Variants in GZF1 observed in about 807,000 individuals in gnomAD.
GZF1 encodes the protein GDNF-inducible zinc finger protein 1.
In GZF1, 28 loss-of-function variants were observed where a neutral mutation model predicts 49.4. The ratio of observed to expected loss-of-function variants is 0.57; its 90% confidence interval spans 0.42 to 0.78. GZF1 has a LOEUF of 0.78. Ranked by LOEUF, GZF1 falls within the 30% of genes least tolerant of loss-of-function variation. The probability of loss-of-function intolerance (pLI) is 0.00; values close to 1 mark genes in which losing one functional copy is unlikely to be tolerated. For missense variants in GZF1, 798 were observed against 916.2 expected, an observed-to-expected ratio of 0.87 and a Z score of 1.67; for synonymous variants, 364 against 356.0, an observed-to-expected ratio of 1.02 and a Z score of -0.25.
At chr20:23,361,870 C>G (rs1257611792), upstream of GZF1, among the ~76,000 whole-genome samples, 1 of 152,254 alleles carries the variant, frequency 6.6e-6, no homozygotes, top group African/African-American at 2.4e-5. Flanking sequence ...GAATCTGACG[C>G]TCACGTGACT....
intron 5 of GZF1, 49 bp from the exon 6 acceptor site, chr20:23,370,042 C>T: frequency 6.8e-7 from 1 of 1,480,124 alleles, no homozygotes. Flanking sequence ...AAAAGATGCA[C>T]TTGTCCAGAG....
In GZF1 at chr20:23,370,586, G is replaced by A. The variant is rs1981983341; in HGVS notation, c.*145G>A. ...GATTTTCCTGAACTTCTGCTAACTTGCACGGCTTTATCACAGCATTTTTAA... is the reference window on the plus strand; with the variant it reads ...GATTTTCCTGAACTTCTGCTAACTTACACGGCTTTATCACAGCATTTTTAA... On this transcript the variant is annotated 3_prime_UTR_variant, in exon 6 of 6. Transcript: ENST00000338121. The A allele has an allele frequency of 3.2e-6, 2 of 634,760 alleles. No homozygotes were observed. Among genetic ancestry groups the A allele is most frequent in the Non-Finnish European group, 5.5e-6 (2 of 360,936 alleles). The allele number at this position is 634,760 out of a possible 1,614,324, so 39.3% of individuals were successfully genotyped here.
At position 23,372,606 on chromosome 20, in the gene GZF1, C is replaced by T. The variant is rs930792288; in HGVS notation, c.*2165C>T. 8 of 152,280 alleles carry T rather than the reference C, an allele frequency of 5.3e-5. No individual in the cohort carries two copies. Among genetic ancestry groups the T allele is most frequent in the African/African-American group, 9.6e-5 (4 of 41,564 alleles). The allele number at this position is 152,280 out of a possible 1,614,324, so 9.4% of individuals were successfully genotyped here. A position where few individuals can be genotyped will look rare whatever the true frequency, so the allele number is the denominator to read the frequency against. On this transcript the variant is annotated 3_prime_UTR_variant, in exon 6 of 6. Coordinates refer to ENST00000338121, the MANE Select transcript of GZF1 (RefSeq NM_022482.5). ...TTCTCTGTCCCTGAGAACAGAGAAA[C>T]GTAACCCTGTAGGGGACTGGTTACA...
chr20:23,369,867 GTC>G (rs1981871503), intron 5 of GZF1, 126 bp downstream of exon 5: 1 of 1,093,836 alleles, frequency 9.1e-7, no homozygotes, highest in African/African-American at 1.6e-5. Context: ...TCCTTGGGTT[GTC>G]TCTGCAGTGG....
intron 2 of GZF1, among the ~76,000 whole-genome samples, chr20:23,366,009 C>T (rs1478437951): frequency 2.0e-5 from 3 of 152,246 alleles, no homozygotes. Context: ...GGGCTCGCCC[C>T]ACCGTGCTGG....
At chr20:23,365,893 C>T in intron 2 of GZF1, 146 bp downstream of exon 2, 2 of 1,330,528 alleles carry the variant, frequency 1.5e-6, no homozygotes, top group Non-Finnish European at 2.0e-6. Flanking sequence ...AGTTCTCTGT[C>T]AAGGTACAGG....
intron 2 of GZF1, among the ~76,000 whole-genome samples, chr20:23,366,231 GCTTT>G (rs1232944767): frequency 3.9e-5 from 6 of 152,332 alleles, no homozygotes; most frequent in South Asian, 2.1e-4. Flanking sequence ...GACAGACAGT[GCTTT>G]CTGTTTCTTA....
In GZF1 at chr20:23,365,181, G is replaced by A; in HGVS notation, c.798G>A (p.Pro266=). The change falls in exon 2 of 6, where the codon CCG becomes CCA. Residue 266 remains proline, a synonymous_variant. Coordinates refer to ENST00000338121, the MANE Select transcript of GZF1 (RefSeq NM_022482.5). ...GDYRCPQDQS[P]DRVGTEMEQV... Reference sequence around the variant, plus strand: ...ACAGGTGTCCCCAGGACCAAAGCCCGGACAGGGTGGGCACGGAGATGGAGC... The same window carrying A: ...ACAGGTGTCCCCAGGACCAAAGCCCAGACAGGGTGGGCACGGAGATGGAGC... The A allele has an allele frequency of 1.2e-6, 2 of 1,610,796 alleles. No homozygotes were observed. The highest frequency in any genetic ancestry group is 1.7e-5 in the Admixed American group (1 of 59,518).
At chr20:23,365,796 T>G (rs1299611602) in intron 2 of GZF1, 49 bp downstream of exon 2, 1 of 1,463,982 alleles carries the variant, frequency 6.8e-7, no homozygotes, top group Non-Finnish European at 9.0e-7. Flanking sequence ...GAAGGGTGTG[T>G]CAAGCACTGA....
rs552895729 is a variant in GZF1 at position 23,370,803 on chromosome 20, A to C, written c.*362A>C. 2.4e-5 allele frequency: 5 copies of C among 204,906 alleles called. No homozygotes were observed. In the South Asian group the frequency reaches 3.3e-4, roughly 13 times the overall value. 12.7% of individuals were successfully genotyped at this position (204,906 alleles called of 1,614,324 possible). Reference sequence around the variant, plus strand: ...GAACTGAACCAGCTCCTGATATTGTAGTTAGCAGTCTTCCTGGCTTCTCAC... The same window carrying C: ...GAACTGAACCAGCTCCTGATATTGTCGTTAGCAGTCTTCCTGGCTTCTCAC... On this transcript the variant is annotated 3_prime_UTR_variant, in exon 6 of 6. Transcript: ENST00000338121.
In GZF1 at chr20:23,366,361, C is replaced by G. The variant is rs139910642; in HGVS notation, c.1364+614C>G. 2.6e-3 allele frequency among the ~76,000 whole-genome samples: 389 copies of G among 152,348 alleles called. 2 individuals carry two copies. The highest frequency in any genetic ancestry group is 8.8e-3 in the African/African-American group (367 of 41,580). On this transcript the variant is annotated intron_variant, in intron 2 of 5. Coordinates refer to ENST00000338121, the MANE Select transcript of GZF1 (RefSeq NM_022482.5). ...AGTTGTTTTCTCTTCTCTTCTAGAT[C>G]TGCCCTCAAACCTAGGTCAGTCTTG...
In GZF1 at chr20:23,365,630, T is replaced by A. The variant is rs769351772; in HGVS notation, c.1247T>A (p.Leu416Gln). Reference protein sequence around the residue: ...RHRCGQCGKGLSSKTALRLHE... With the variant: ...RHRCGQCGKGQSSKTALRLHE... ...CGCTGCGGCCAGTGCGGCAAGGGCC[T>A]GAGTTCCAAGACAGCGCTGCGGCTG... Residue 416 changes from leucine (L) to glutamine (Q), a missense_variant, in exon 2 of 6, where the codon CTG (leucine) becomes CAG (glutamine). Leu to Gln is a moderately radical substitution (Grantham distance 113). Around this residue, in one of 3 missense-constraint regions of GZF1, gnomAD observed 446 missense variants for 540.1 expected, o/e 0.83. Coordinates refer to ENST00000338121, the MANE Select transcript of GZF1 (RefSeq NM_022482.5). The A allele has an allele frequency of 6.2e-7, 1 of 1,604,972 alleles. No homozygotes were observed. The highest frequency in any genetic ancestry group is 2.2e-5 in the East Asian group (1 of 44,846).
intron 5 of GZF1, 145 bp from the exon 6 acceptor site, chr20:23,369,946 G>A: frequency 1.1e-6 from 1 of 878,652 alleles, no homozygotes; most frequent in East Asian, 2.6e-5. Flanking sequence ...CATCCACGAT[G>A]ACTACTCTGT....
chr20:23,366,974 A>G (rs756945816), intron 2 of GZF1, 29 bp from the exon 3 acceptor site: 4 of 1,460,906 alleles, frequency 2.7e-6, no homozygotes, highest in Non-Finnish European at 3.8e-6. Context: ...AATACATCCT[A>G]AGTTATCATC....
At position 23,370,661 on chromosome 20, in the gene GZF1, CAAA is replaced by C. The variant is rs995233755; in HGVS notation, c.*223_*225del. ...TGCATGATCTCAGCTACTTTATTGA[CAAA>C]AAGGCAGTGAACATAACCTCACTTA... is the stretch of plus-strand genomic sequence containing the variant. On this transcript the variant is annotated 3_prime_UTR_variant, in exon 6 of 6. Transcript: ENST00000338121. 1 of 547,834 alleles carries C rather than the reference CAAA, an allele frequency of 1.8e-6. No individual in the cohort carries two copies. The highest frequency in any genetic ancestry group is 3.2e-6 in the Non-Finnish European group (1 of 308,988). 33.9% of individuals were successfully genotyped at this position (547,834 alleles called of 1,614,324 possible).
intron 1 of GZF1, chr20:23,363,353 AT>A (rs1980918352): frequency 6.6e-6 from 1 of 152,474 alleles, no homozygotes; most frequent in African/African-American, 2.4e-5. Flanking sequence ...GAGAAAACAC[AT>A]TCAGGGAGTT....
chr20:23,372,927 CCTTT>C lies in GZF1; in HGVS notation c.*2487_*2490del, dbSNP rs1982219924. 1 of 152,110 alleles carries C rather than the reference CCTTT, an allele frequency of 6.6e-6. No individual in the cohort carries two copies. Among genetic ancestry groups the C allele is most frequent in the Non-Finnish European group, 1.5e-5 (1 of 68,028 alleles). 9.4% of individuals were successfully genotyped at this position (152,110 alleles called of 1,614,324 possible). Reference sequence around the variant, plus strand: ...GAAAAAATGGGCCATGTGGTGGAGACCTTTATTTAAGGTGATTTTTACAGAAATG... The same window carrying C: ...GAAAAAATGGGCCATGTGGTGGAGACATTTAAGGTGATTTTTACAGAAATG... On this transcript the variant is annotated 3_prime_UTR_variant, in exon 6 of 6. Transcript: ENST00000338121.
chr20:23,361,725 G>A (rs897227108), upstream of GZF1, among the ~76,000 whole-genome samples: 3 of 152,244 alleles, frequency 2.0e-5, no homozygotes, highest in African/African-American at 7.2e-5. Flanking sequence ...GTGCCCTAAG[G>A]GTGCGCTCGG....
In GZF1 at chr20:23,370,202, A is replaced by G; in HGVS notation, c.1897A>G (p.Lys633Glu). ...GCCTGACGAAGAGTATGTGTCATCC[A>G]AGCTTTCGGATAAATTGCTGTCTTT... ...EQPDEEYVSS[K>E]LSDKLLSFAE... Residue 633 changes from lysine to glutamate, a missense_variant, in exon 6 of 6, where the codon AAG (lysine) becomes GAG (glutamate). By Grantham distance (56) the Lys-to-Glu change is moderately conservative. Around this residue, in one of 3 missense-constraint regions of GZF1, gnomAD observed 446 missense variants for 540.1 expected, o/e 0.83. Transcript: ENST00000338121. 2 of 1,614,232 alleles carry G rather than the reference A, an allele frequency of 1.2e-6. No homozygotes were observed. The highest frequency in any genetic ancestry group is 1.1e-5 in the South Asian group (1 of 91,088).
Sources: allele counts gnomAD v4.1 joint callset (sites outside exome capture counted in the v4.1 genomes callset), GRCh38; gene constraint gnomAD v4.1.1; regional missense constraint gnomAD v4.1.1; transcripts MANE v1.5; gene names NCBI Gene and HGNC (gene_info 2026-07-23, HGNC 2026-07-21).